The following ANXA11 variants were observed in gnomAD, a reference collection of about 807,000 sequenced individuals.
ANXA11 encodes annexin A11, also known as 56 kDa autoantigen.
ANXA11 carries 57 observed loss-of-function variants against 64.7 expected under a neutral mutation model. The ratio of observed to expected loss-of-function variants is 0.88; its 90% CI spans 0.71 to 1.10. The LOEUF (loss-of-function observed/expected upper bound fraction) is 1.10, where lower values mean the gene tolerates loss of function less well. ANXA11 is among the 50% of genes least tolerant of loss of function. The pLI, the probability that ANXA11 is intolerant of heterozygous loss-of-function variation, is 0.00. For missense variants in ANXA11, 675 were observed against 670.7 expected (o/e 1.01, Z -0.07); for synonymous variants, 260 against 265.2 (o/e 0.98, Z 0.19).
At position 80,205,246 on chromosome 10, in the gene ANXA11, G is replaced by C. The variant is rs1840621432; in HGVS notation, c.-58+97C>G. 3 of 151,786 alleles carry C rather than the reference G, an allele frequency of 2.0e-5. No individual in the cohort carries two copies. In the South Asian group the frequency reaches 6.2e-4, roughly 31 times the overall value. The allele number at this position is 151,786 out of a possible 1,614,324, so 9.4% of individuals were successfully genotyped here. A position where few individuals can be genotyped will look rare whatever the true frequency, so the allele number is the denominator to read the frequency against. On this transcript the variant is annotated intron_variant, in intron 1 of 15. Coordinates refer to ENST00000422982, the MANE Select transcript of ANXA11 (RefSeq NM_145868.2). ...CCAGGAAGCCGCAGGGCCGCGCTGG[G>C]CTGGGCGCCAGGCAGCCCCGGGCCT...
At chr10:80,175,448 G>GA (rs1015031924) in intron 2 of ANXA11, among the ~76,000 whole-genome samples, 6 of 151,880 alleles carry the variant, frequency 4.0e-5, no homozygotes, top group Non-Finnish European at 8.8e-5. Context: ...CCAGGCCAGG[G>GA]AAAAAACCCA....
chr10:80,195,231 C>T (rs951006785), intron 1 of ANXA11, among the ~76,000 whole-genome samples: 1 of 152,192 alleles, frequency 6.6e-6, no homozygotes, highest in Admixed American at 6.5e-5. Flanking sequence ...AGCACCCCTG[C>T]TCTACCTAGA....
chr10:80,155,998 C>T, intron 15 of ANXA11, 86 bp from the exon 16 acceptor site: 1 of 1,368,560 alleles, frequency 7.3e-7, no homozygotes, highest in Non-Finnish European at 1.0e-6. Context: ...CCCTGAGCAC[C>T]CTTATAGGGA....
At chr10:80,196,796 G>C (rs921966860) in intron 1 of ANXA11, among the ~76,000 whole-genome samples, 5 of 152,128 alleles carry the variant, frequency 3.3e-5, no homozygotes, top group African/African-American at 9.7e-5. Flanking sequence ...CACATGCCAG[G>C]AACTAAAATA....
At chr10:80,178,901 G>A (rs1589437475) in intron 1 of ANXA11, among the ~76,000 whole-genome samples, 1 of 152,062 alleles carries the variant, frequency 6.6e-6, no homozygotes, top group Admixed American at 6.5e-5. Flanking sequence ...ATACCCCCCA[G>A]TCCCCAGTAA....
chr10:80,168,629 G>T (rs1345225527), intron 5 of ANXA11, among the ~76,000 whole-genome samples: 2 of 152,254 alleles, frequency 1.3e-5, no homozygotes, highest in East Asian at 1.9e-4. Context: ...TGTCTCCTGG[G>T]CTGAGGTGAT....
intron 2 of ANXA11, among the ~76,000 whole-genome samples, chr10:80,174,829 T>C (rs952053152): frequency 1.3e-5 from 2 of 152,212 alleles, no homozygotes; most frequent in Non-Finnish European, 2.9e-5. Flanking sequence ...AGTGCTGGGA[T>C]TACAGGCATG....
At chr10:80,201,460 A>C (rs1004862926) in intron 1 of ANXA11, among the ~76,000 whole-genome samples, 1 of 152,180 alleles carries the variant, frequency 6.6e-6, no homozygotes, top group Non-Finnish European at 1.5e-5. Flanking sequence ...CCCCAGACCC[A>C]CCAGCTTATT....
At chr10:80,187,181 C>T (rs1846573361) in intron 1 of ANXA11, among the ~76,000 whole-genome samples, 1 of 152,154 alleles carries the variant, frequency 6.6e-6, no homozygotes, top group African/African-American at 2.4e-5. Flanking sequence ...TTCTGTCTCC[C>T]CAAAATTCAT....
intron 12 of ANXA11, 54 bp downstream of exon 12, chr10:80,161,881 A>G: frequency 6.8e-7 from 1 of 1,467,630 alleles, no homozygotes; most frequent in South Asian, 1.1e-5. Context: ...TTTCCCCACA[A>G]TCCCCTGACT....
chr10:80,175,081 A>G (rs1052744296), intron 2 of ANXA11, among the ~76,000 whole-genome samples: 2 of 152,294 alleles, frequency 1.3e-5, no homozygotes, highest in Admixed American at 1.3e-4. Context: ...TGAGCCCCTA[A>G]GCACGTGGTG....
chr10:80,200,334 A>ATTTATTAAT (rs1446977114), intron 1 of ANXA11, among the ~76,000 whole-genome samples: 1 of 152,182 alleles, frequency 6.6e-6, no homozygotes, highest in African/African-American at 2.4e-5. Context: ...AAATGCACTT[A>ATTTATTAAT]TTTATTAATT....
At chr10:80,204,380 A>G (rs1840583261) in intron 1 of ANXA11, among the ~76,000 whole-genome samples, 1 of 152,258 alleles carries the variant, frequency 6.6e-6, no homozygotes, top group South Asian at 2.1e-4. Flanking sequence ...AAGGGTGAGC[A>G]TACCAGGCCC....
intron 1 of ANXA11, among the ~76,000 whole-genome samples, chr10:80,191,857 G>A (rs1327806088): frequency 6.6e-6 from 1 of 152,160 alleles, no homozygotes; most frequent in Non-Finnish European, 1.5e-5. Flanking sequence ...GCACCTCAGA[G>A]ACGACTCAGT....
intron 4 of ANXA11, among the ~76,000 whole-genome samples, chr10:80,170,070 CTGA>C (rs1259945958): frequency 1.3e-5 from 2 of 152,174 alleles, no homozygotes; most frequent in Non-Finnish European, 2.9e-5. Context: ...ACCCCCACTC[CTGA>C]CCCCTTTACC....
In ANXA11 at chr10:80,170,839, G is replaced by A. The variant is rs750455410; in HGVS notation, c.132C>T (p.Thr44=). 6.6e-7 allele frequency: 1 copy of A among 1,515,834 alleles called. No homozygotes were observed. The highest frequency in any genetic ancestry group is 8.8e-7 in the Non-Finnish European group (1 of 1,135,914). The allele number at this position is 1,515,834 out of a possible 1,614,324, so 93.9% of individuals were successfully genotyped here. A position where few individuals can be genotyped will look rare whatever the true frequency, so the allele number is the denominator to read the frequency against. ...AGTCCTGGTTGAACTGCCCCGCATAGGTGGCCACGTTATCCAGCCCGATGG... is the reference window on the plus strand; with the variant it reads ...AGTCCTGGTTGAACTGCCCCGCATAAGTGGCCACGTTATCCAGCCCGATGG... ...MPPIGLDNVA[T]YAGQFNQDYL... is the part of the protein sequence containing the mutation. The change falls in exon 4 of 16, where the codon ACC becomes ACT. Residue 44 remains threonine, a synonymous_variant. Coordinates refer to ENST00000422982, the MANE Select transcript of ANXA11 (RefSeq NM_145868.2).
At chr10:80,197,298 G>C (rs1470022157) in intron 1 of ANXA11, among the ~76,000 whole-genome samples, 1 of 152,136 alleles carries the variant, frequency 6.6e-6, no homozygotes, top group Non-Finnish European at 1.5e-5. Context: ...GAAATACAAA[G>C]GTTAAACCCC....
intron 15 of ANXA11, chr10:80,156,404 C>T: frequency 2.1e-6 from 1 of 472,276 alleles, no homozygotes; most frequent in Non-Finnish European, 4.4e-6. Context: ...CGGCTTGGCT[C>T]ATTTCTAATC....
intron 1 of ANXA11, among the ~76,000 whole-genome samples, chr10:80,179,575 G>C (rs1424903380): frequency 6.6e-6 from 1 of 152,130 alleles, no homozygotes; most frequent in East Asian, 1.9e-4. Context: ...AGCATACCCA[G>C]AACGACCCTA....
Sources: gnomAD v4.1 joint callset for allele counts (sites outside exome capture counted in the v4.1 genomes callset) on GRCh38, gnomAD v4.1.1 for gene constraint, MANE v1.5 for transcripts, NCBI Gene and HGNC (gene_info 2026-07-23, HGNC 2026-07-21) for gene names.